The following HDAC4 variants were observed in gnomAD, a reference collection of about 807,000 sequenced individuals.
The protein encoded by HDAC4 is histone deacetylase 4, also known as histone deacetylase A.
In HDAC4, 16 loss-of-function variants were observed where a neutral mutation model predicts 135.1. The observed-to-expected ratio is 0.12, with a 90% CI of 0.08 to 0.18. The LOEUF (loss-of-function observed/expected upper bound fraction) is 0.18, where lower values mean the gene tolerates loss of function less well. Ranked by LOEUF, HDAC4 falls within the 10% of genes least tolerant of loss-of-function variation. The pLI is 1.00. For missense variants in HDAC4, 1,143 were observed against 1,511.8 expected (o/e 0.76, Z 4.05); for synonymous variants, 685 against 653.4 (o/e 1.05, Z -0.74).
chr2:239,119,696 G>A (rs1035521014), intron 12 of HDAC4, among the ~76,000 whole-genome samples: 14 of 152,148 alleles, frequency 9.2e-5, no homozygotes, highest in South Asian at 2.1e-4. Context: ...GGGCTGAGGA[G>A]GTGTTCAGGG....
At chr2:239,288,101 C>T (rs928207309) in intron 2 of HDAC4, among the ~76,000 whole-genome samples, 8 of 150,854 alleles carry the variant, frequency 5.3e-5, no homozygotes, top group South Asian at 4.2e-4. Flanking sequence ...GGAAAATTAC[C>T]GTCCACTCCA....
chr2:239,347,891 G>A (rs977711093), intron 2 of HDAC4, among the ~76,000 whole-genome samples: 6 of 152,166 alleles, frequency 3.9e-5, no homozygotes, highest in Non-Finnish European at 7.3e-5. Flanking sequence ...TCAAGTTACC[G>A]ACCACTGCCT....
At chr2:239,165,432 C>T (rs919910766) in intron 5 of HDAC4, among the ~76,000 whole-genome samples, 2 of 152,090 alleles carry the variant, frequency 1.3e-5, no homozygotes, top group Non-Finnish European at 2.9e-5. Context: ...ATGTCCTTGG[C>T]TTATGTGTTC....
intron 1 of HDAC4, among the ~76,000 whole-genome samples, chr2:239,363,796 TA>T (rs1694003798): frequency 6.6e-6 from 1 of 152,056 alleles, no homozygotes; most frequent in Non-Finnish European, 1.5e-5. Flanking sequence ...AGCCACAAAA[TA>T]GAAGAGACCC....
intron 4 of HDAC4, among the ~76,000 whole-genome samples, chr2:239,183,112 C>T (rs143350475): frequency 9.8e-5 from 15 of 152,294 alleles, no homozygotes; most frequent in African/African-American, 2.9e-4. Context: ...AAGATGACTA[C>T]GACCTCATTC....
At chr2:239,290,613 ACAAG>A (rs538028301) in intron 2 of HDAC4, among the ~76,000 whole-genome samples, 8 of 152,320 alleles carry the variant, frequency 5.3e-5, no homozygotes, top group East Asian at 1.9e-4. Flanking sequence ...GCACGTGCGC[ACAAG>A]CAGTCACGTA....
intron 2 of HDAC4, among the ~76,000 whole-genome samples, chr2:239,243,002 G>C (rs1389123636): frequency 6.6e-6 from 1 of 152,054 alleles, no homozygotes; most frequent in Non-Finnish European, 1.5e-5. Context: ...TTTGGGAACA[G>C]GAAGGCAGCA....
rs944246333 is a variant in HDAC4 at position 239,295,074 on chromosome 2, G to C, written c.22+57604C>G. Among the ~76,000 whole-genome samples, 3 of 152,124 alleles carry C rather than the reference G, an allele frequency of 2.0e-5. No individual in the cohort carries two copies. In the East Asian group the frequency reaches 5.8e-4, roughly 30 times the overall value. On this transcript the variant is annotated intron_variant, in intron 2 of 26. Transcript: ENST00000543185. ...TGTAATCCCAGCACTTTGGGAGGCCGAGGCGGGCGGATCACGAGGTCAGGA... is the reference window on the plus strand; with the variant it reads ...TGTAATCCCAGCACTTTGGGAGGCCCAGGCGGGCGGATCACGAGGTCAGGA...
intron 2 of HDAC4, among the ~76,000 whole-genome samples, chr2:239,242,682 G>A (rs2048256962): frequency 1.3e-5 from 2 of 152,166 alleles, no homozygotes; most frequent in African/African-American, 4.8e-5. Flanking sequence ...AAAGAGAAAT[G>A]GTGATAAAAG....
At position 239,291,432 on chromosome 2, in the gene HDAC4, G is replaced by T. The variant is rs10460500; in HGVS notation, c.23-54768C>A. Among the ~76,000 whole-genome samples, 315 of 152,318 alleles carry T rather than the reference G, an allele frequency of 2.1e-3. 6 individuals are homozygous for T. The East Asian group carries it at 0.022, about 11-fold the overall frequency. ...AAGAGGGGTCCCCTGGGTGGCGGGG[G>T]GCCTGAGGGCACACAGGAAGAGCTG... On this transcript the variant is annotated intron_variant, in intron 2 of 26. Transcript: ENST00000543185.
intron 2 of HDAC4, chr2:239,298,321 T>A: frequency 8.1e-7 from 1 of 1,234,616 alleles, no homozygotes; most frequent in Non-Finnish European, 1.0e-6. Context: ...CCCCTGGGCA[T>A]CACGTGGAGA....
intron 8 of HDAC4, among the ~76,000 whole-genome samples, chr2:239,142,430 G>A (rs1432577431): frequency 6.6e-6 from 1 of 152,186 alleles, no homozygotes; most frequent in Admixed American, 6.5e-5. Context: ...TGGTACCAGT[G>A]CCGGCCAGGA....
At chr2:239,119,518 A>G (rs887481373) in intron 12 of HDAC4, among the ~76,000 whole-genome samples, 1 of 151,338 alleles carries the variant, frequency 6.6e-6, no homozygotes, top group African/African-American at 2.4e-5. Context: ...CGGGGACCAG[A>G]GCTCAGAGCT....
intron 2 of HDAC4, among the ~76,000 whole-genome samples, chr2:239,319,215 T>C (rs2053226312): frequency 6.6e-6 from 1 of 152,148 alleles, no homozygotes; most frequent in African/African-American, 2.4e-5. Flanking sequence ...AAGCAAGTAA[T>C]ATCCACATAT....
rs1325346442 is a variant in HDAC4, at chr2:239,308,862, C to G, written c.22+43816G>C. Among the ~76,000 whole-genome samples the G allele has an allele frequency of 6.6e-6, 1 of 152,128 alleles. No homozygotes were observed. The highest frequency in any genetic ancestry group is 1.5e-5 in the Non-Finnish European group (1 of 68,020). On this transcript the variant is annotated intron_variant, in intron 2 of 26. Transcript: ENST00000543185. The surrounding 1 kb of genome is among the most constrained non-coding windows in gnomAD (Gnocchi z 4.2). ...GGGCAAGGCTGTCACAGGCGAAAGA[C>G]GGGTTCCCCTTCCTCTACACCCAAG... is the stretch of plus-strand genomic sequence containing the variant.
intron 12 of HDAC4, among the ~76,000 whole-genome samples, chr2:239,121,262 T>A (rs534818942): frequency 1.7e-4 from 26 of 152,180 alleles, no homozygotes; most frequent in Non-Finnish European, 3.8e-4. Flanking sequence ...CAGCTTTAAA[T>A]TTCAAACTTA....
At chr2:239,204,499 C>A (rs931669730) in intron 3 of HDAC4, among the ~76,000 whole-genome samples, 4 of 152,210 alleles carry the variant, frequency 2.6e-5, no homozygotes, top group African/African-American at 9.6e-5. Flanking sequence ...GGGAAATGGG[C>A]AGAGGGCTCT....
Position 239,299,895 on chromosome 2 carries a change from C to T in HDAC4, c.22+52783G>A, listed in dbSNP as rs915774072. On this transcript the variant is annotated intron_variant, in intron 2 of 26. Transcript: ENST00000543185. This position sits in a 1 kb window ranked among gnomAD's most constrained non-coding sequence, Gnocchi z 4.0. Reference sequence around the variant, plus strand: ...GCTGGGGACTAAGCAGATGGGAGACCGGCAGTCCTGGGGCTCGGGAGACAG... The same window carrying T: ...GCTGGGGACTAAGCAGATGGGAGACTGGCAGTCCTGGGGCTCGGGAGACAG... 5.3e-5 allele frequency among the ~76,000 whole-genome samples: 8 copies of T among 152,108 alleles called. No individual in the cohort carries two copies. In the East Asian group the frequency reaches 5.8e-4, roughly 11 times the overall value.
intron 6 of HDAC4, 123 bp from the exon 7 acceptor site, chr2:239,156,896 A>G (rs565380964): frequency 2.4e-5 from 20 of 831,028 alleles, no homozygotes; most frequent in East Asian, 2.4e-4. Flanking sequence ...CAACAGACAC[A>G]CCTTTTCCCT....
Sources: allele counts gnomAD v4.1 joint callset (sites outside exome capture counted in the v4.1 genomes callset), GRCh38; gene constraint gnomAD v4.1.1; non-coding constraint Gnocchi (gnomAD v3.1); transcripts MANE v1.5; gene names NCBI Gene and HGNC (gene_info 2026-07-23, HGNC 2026-07-21).